The following ONECUT1 variants were observed in gnomAD, a reference collection of about 807,000 sequenced individuals.
ONECUT1 encodes one cut homeobox 1, also known as hepatocyte nuclear factor 6.
Under a neutral mutation model 25.6 loss-of-function variants are expected in ONECUT1, and 12 were observed. The observed-to-expected ratio is 0.47, with a 90% confidence interval of 0.30 to 0.76. ONECUT1 has a LOEUF of 0.76. ONECUT1 is among the 30% of genes least tolerant of loss of function. The pLI is 0.07. For missense variants in ONECUT1, 620 were observed against 651.2 expected (o/e 0.95, Z 0.52); for synonymous variants, 285 against 270.2 (o/e 1.05, Z -0.54).
At chr15:52,758,514 C>G (rs1264750516) in intron 1 of ONECUT1, among the ~76,000 whole-genome samples, 1 of 152,116 alleles carries the variant, frequency 6.6e-6, no homozygotes, top group Non-Finnish European at 1.5e-5. Context: ...GAACCGGGAA[C>G]TGTGGAGGTG....
At chr15:52,775,070 A>T (rs1294819730) in intron 1 of ONECUT1, among the ~76,000 whole-genome samples, 1 of 152,034 alleles carries the variant, frequency 6.6e-6, no homozygotes, top group Non-Finnish European at 1.5e-5. Flanking sequence ...CACACCTGTA[A>T]TCCCAGCTAC....
chr15:52,778,426 T>C (rs1451520773), intron 1 of ONECUT1, among the ~76,000 whole-genome samples: 1 of 152,260 alleles, frequency 6.6e-6, no homozygotes, highest in Non-Finnish European at 1.5e-5. Flanking sequence ...TTTATGAATT[T>C]ACCTATAATA....
intron 1 of ONECUT1, among the ~76,000 whole-genome samples, chr15:52,770,913 A>G (rs545472657): frequency 2.0e-5 from 3 of 152,206 alleles, no homozygotes; most frequent in Non-Finnish European, 2.9e-5. Flanking sequence ...GAGCTTGGCA[A>G]AGATTTAAAA....
rs1159340090 is a variant in ONECUT1 at position 52,784,010 on chromosome 15, G to T, written c.1105+4770C>A. Reference sequence around the variant, plus strand: ...GAACAACGACGTTCTAAAAACAAAGGCGCAGCAAGCATCCCTTTCTTCGCT... The same window carrying T: ...GAACAACGACGTTCTAAAAACAAAGTCGCAGCAAGCATCCCTTTCTTCGCT... On this transcript the variant is annotated intron_variant, in intron 1 of 1. Transcript: ENST00000305901. This position sits in a 1 kb window ranked among gnomAD's most constrained non-coding sequence, Gnocchi z 5.0. Among the ~76,000 whole-genome samples, 6 of 152,188 alleles carry T rather than the reference G, an allele frequency of 3.9e-5. No homozygotes were observed. Among genetic ancestry groups the T allele is most frequent in the African/African-American group, 1.2e-4 (5 of 41,442 alleles).
chr15:52,789,268 G>A lies in ONECUT1; in HGVS notation c.617C>T (p.Ala206Val). ...GLPHYAHPGA[A>V]MPTDKMLTPN... is the part of the protein sequence containing the mutation. The stretch of plus-strand genomic sequence containing the variant: ...GGTGAGCATCTTGTCGGTGGGCATG[G>A]CGGCCCCCGGGTGGGCATAGTGGGG... The change falls in exon 1 of 2, where the codon GCC becomes GTC. Residue 206 changes from alanine to valine, a missense_variant. Physicochemically the swap from Ala to Val is moderately conservative, Grantham distance 64. This residue lies in a region of ONECUT1 where 440 missense variants were observed against 404.9 expected (regional missense o/e 1.09). Transcript: ENST00000305901. The surrounding 1 kb of genome is among the most constrained non-coding windows in gnomAD (Gnocchi z 4.1). 6.5e-7 allele frequency: 1 copy of A among 1,547,908 alleles called. No individual in the cohort carries two copies. The highest frequency in any genetic ancestry group is 8.7e-7 in the Non-Finnish European group (1 of 1,147,322).
Position 52,757,368 on chromosome 15 carries a change from AGT to A in ONECUT1, c.*185_*186del, listed in dbSNP as rs912225882. ...TCTTGCCAAGTCGCCGCCCTGCTGAAGTGTGTGTCTCCAAACAAAGTCAGAAT... is the reference window on the plus strand; with the variant it reads ...TCTTGCCAAGTCGCCGCCCTGCTGAAGTGTGTCTCCAAACAAAGTCAGAAT... On this transcript the variant is annotated 3_prime_UTR_variant, in exon 2 of 2. Transcript: ENST00000305901. 1 of 626,756 alleles carries A rather than the reference AGT, an allele frequency of 1.6e-6. No homozygotes were observed. The allele number at this position is 626,756 out of a possible 1,614,324, so 38.8% of individuals were successfully genotyped here. A position where few individuals can be genotyped will look rare whatever the true frequency, so the allele number is the denominator to read the frequency against.
chr15:52,772,190 C>T (rs909796501), intron 1 of ONECUT1, among the ~76,000 whole-genome samples: 6 of 151,774 alleles, frequency 4.0e-5, no homozygotes, highest in African/African-American at 1.5e-4. Context: ...GTCAGGAGAT[C>T]GAGACCATCC....
chr15:52,773,217 T>G (rs1393527602), intron 1 of ONECUT1, among the ~76,000 whole-genome samples: 2 of 144,336 alleles, frequency 1.4e-5, no homozygotes, highest in African/African-American at 2.6e-5. Flanking sequence ...TGAGTAAATG[T>G]GTGTGTGAGA....
Position 52,789,102 on chromosome 15 carries a change from G to C in ONECUT1, c.783C>G (p.His261Gln). ...HPHAHLNAQG[H>Q]GQLLGTAREP... ...CCCGGGCTGTGCCCAGGAGTTGCCC[G>C]TGGCCCTGGGCGTTCAGGTGGGCGT... Residue 261 changes from histidine (H) to glutamine (Q), a missense_variant, in exon 1 of 2, where the codon CAC becomes CAG. Transcript: ENST00000305901. The surrounding 1 kb of genome is among the most constrained non-coding windows in gnomAD (Gnocchi z 4.1). 1.2e-6 allele frequency: 2 copies of C among 1,601,492 alleles called. No homozygotes were observed. The highest frequency in any genetic ancestry group is 1.7e-4 in the Middle Eastern group (1 of 6,060).
In ONECUT1 at chr15:52,788,487, C is replaced by T. The variant is rs1308120830; in HGVS notation, c.1105+293G>A. ...CAGGTGCGGGGATTTCTCTCCGCCT[C>T]AGGCCGTACGAGCTTCCCTCGCTGT... On this transcript the variant is annotated intron_variant, in intron 1 of 1. Transcript: ENST00000305901. The surrounding 1 kb of genome is among the most constrained non-coding windows in gnomAD (Gnocchi z 4.3). 1.2e-5 allele frequency: 5 copies of T among 412,344 alleles called. No individual in the cohort carries two copies. The highest frequency in any genetic ancestry group is 2.2e-5 in the Non-Finnish European group (5 of 228,576). The allele number at this position is 412,344 out of a possible 1,614,324, so 25.5% of individuals were successfully genotyped here. A position where few individuals can be genotyped will look rare whatever the true frequency, so the allele number is the denominator to read the frequency against.
In ONECUT1 at chr15:52,759,042, C is replaced by G. The variant is rs181220371; in HGVS notation, c.1106-1195G>C. Among the ~76,000 whole-genome samples the G allele has an allele frequency of 1.3e-4, 20 of 152,304 alleles. No individual in the cohort carries two copies. The East Asian group carries it at 2.3e-3, about 18-fold the overall frequency. On this transcript the variant is annotated intron_variant, in intron 1 of 1. Coordinates refer to ENST00000305901, the MANE Select transcript of ONECUT1 (RefSeq NM_004498.4). ...CAATCAGATTGCTGCCTCTTAGCCC[C>G]CTATGTAGGCGTTCTAGAGCAGCCA...
rs961209926 is a variant in ONECUT1, at chr15:52,784,916, G to C, written c.1105+3864C>G. On this transcript the variant is annotated intron_variant, in intron 1 of 1. Coordinates refer to ENST00000305901, the MANE Select transcript of ONECUT1 (RefSeq NM_004498.4). The surrounding 1 kb of genome is among the most constrained non-coding windows in gnomAD (Gnocchi z 5.0). ...TCGCCCCGGGCTCAGAGGCGGACAC[G>C]GTCGGTCGCGCCCTGCTGGCCCTTT... Among the ~76,000 whole-genome samples, 1 of 152,194 alleles carries C rather than the reference G, an allele frequency of 6.6e-6. No individual in the cohort carries two copies. Among genetic ancestry groups the C allele is most frequent in the African/African-American group, 2.4e-5 (1 of 41,462 alleles).
At chr15:52,767,653 A>T (rs2083742547) in intron 1 of ONECUT1, among the ~76,000 whole-genome samples, 1 of 152,234 alleles carries the variant, frequency 6.6e-6, no homozygotes, top group South Asian at 2.1e-4. Context: ...TAGTTTGGTC[A>T]GTAGCAAAGG....
At chr15:52,779,314 T>C (rs904255913) in intron 1 of ONECUT1, among the ~76,000 whole-genome samples, 23 of 152,004 alleles carry the variant, frequency 1.5e-4, no homozygotes, top group African/African-American at 5.6e-4. Context: ...GGTCTCGATC[T>C]CCTGACCTTG....
rs920861725 is a variant in ONECUT1, at chr15:52,784,310, G to C, written c.1105+4470C>G. On this transcript the variant is annotated intron_variant, in intron 1 of 1. Transcript: ENST00000305901. The surrounding 1 kb of genome is among the most constrained non-coding windows in gnomAD (Gnocchi z 5.0). Reference sequence around the variant, plus strand: ...TGTCGGGGCTGGGTCTCTAGCAACCGCTGTGCCCTGGGTCAGGCTGGTCGC... The same window carrying C: ...TGTCGGGGCTGGGTCTCTAGCAACCCCTGTGCCCTGGGTCAGGCTGGTCGC... Among the ~76,000 whole-genome samples, 1 of 152,222 alleles carries C rather than the reference G, an allele frequency of 6.6e-6. No homozygotes were observed. Among genetic ancestry groups the C allele is most frequent in the Non-Finnish European group, 1.5e-5 (1 of 68,040 alleles).
At chr15:52,783,493 G>T (rs936501598) in intron 1 of ONECUT1, among the ~76,000 whole-genome samples, 2 of 152,216 alleles carry the variant, frequency 1.3e-5, no homozygotes, top group African/African-American at 4.8e-5. Flanking sequence ...GCGTCAGGGC[G>T]GTGGGACCCT....
chr15:52,771,437 G>GT (rs1491505934), intron 1 of ONECUT1, among the ~76,000 whole-genome samples: 44 of 15,394 alleles, frequency 2.9e-3, no homozygotes, highest in African/African-American at 0.025. Flanking sequence ...TAAAAAGCAA[G>GT]TGTGTGTGTG....
chr15:52,762,269 A>G (rs2083710374), intron 1 of ONECUT1, among the ~76,000 whole-genome samples: 1 of 152,224 alleles, frequency 6.6e-6, no homozygotes, highest in Non-Finnish European at 1.5e-5. Context: ...CCCAAATGGC[A>G]TCAGAAGAAT....
At chr15:52,775,642 AAAT>A (rs1194306346) in intron 1 of ONECUT1, among the ~76,000 whole-genome samples, 3 of 152,212 alleles carry the variant, frequency 2.0e-5, no homozygotes, top group Non-Finnish European at 4.4e-5. Context: ...GTTCAAATTA[AAAT>A]AATGATGTGC....
Sources: allele counts gnomAD v4.1 joint callset (sites outside exome capture counted in the v4.1 genomes callset), GRCh38; gene constraint gnomAD v4.1.1; regional missense constraint gnomAD v4.1.1; non-coding constraint Gnocchi (gnomAD v3.1); transcripts MANE v1.5; gene names NCBI Gene and HGNC (gene_info 2026-07-23, HGNC 2026-07-21).